Variants in TPRA1 observed in about 807,000 individuals in gnomAD.
TPRA1 encodes transmembrane protein adipocyte associated 1.
A neutral mutation model predicts 40.1 loss-of-function variants in TPRA1; 28 were observed. That is an observed-to-expected ratio of 0.70 (90% CI 0.52 to 0.96). The LOEUF (loss-of-function observed/expected upper bound fraction) is 0.96, where lower values mean the gene tolerates loss of function less well. Among genes scored for constraint, TPRA1 ranks in the 40% least tolerant of loss-of-function variants. TPRA1 has a pLI of 0.00. For synonymous variants in TPRA1, 219 were observed against 209.7 expected, an observed-to-expected ratio of 1.04 and a Z score of -0.38; for missense variants, 441 against 482.6, an observed-to-expected ratio of 0.91 and a Z score of 0.81.
Position 127,576,513 on chromosome 3 carries a change from G to A in TPRA1, c.498+104C>T. On this transcript the variant is annotated intron_variant, in intron 6 of 10. Transcript: ENST00000355552. The surrounding 1 kb of genome is among the most constrained non-coding windows in gnomAD (Gnocchi z 4.6). ...TGATTTCTCAGGTGCAAAGTTTTGA[G>A]AACTCTGAAGGTGATAAAGACTGGA... The A allele has an allele frequency of 1.8e-6, 2 of 1,125,848 alleles. No homozygotes were observed. Among genetic ancestry groups the A allele is most frequent in the Non-Finnish European group, 2.5e-6 (2 of 806,016 alleles). 69.7% of individuals were successfully genotyped at this position (1,125,848 alleles called of 1,614,324 possible).
chr3:127,574,924 G>T, intron 10 of TPRA1: 1 of 541,524 alleles, frequency 1.8e-6, no homozygotes, highest in Non-Finnish European at 3.3e-6. Context: ...GTGCGTGTTT[G>T]TGTGTGCATG....
upstream of TPRA1, chr3:127,598,216 C>T (rs1576408886): frequency 3.4e-6 from 2 of 589,224 alleles, no homozygotes; most frequent in South Asian, 2.0e-5. Context: ...GCTCCCACCA[C>T]AGCGCAGGCG....
Position 127,576,052 on chromosome 3 carries a change from T to C in TPRA1, c.499-2A>G. The stretch of plus-strand genomic sequence containing the variant: ...AGGGTACAGGATCTCCAGGGTCCCC[T>C]GCAGGGGCAAGCAGGAAGGGAGGAA... On this transcript the variant is annotated splice_acceptor_variant, in intron 6 of 10. Transcript: ENST00000355552. LOFTEE classifies it high-confidence loss of function. The surrounding 1 kb of genome is among the most constrained non-coding windows in gnomAD (Gnocchi z 4.6). The C allele has an allele frequency of 6.2e-7, 1 of 1,611,544 alleles. No individual in the cohort carries two copies. Among genetic ancestry groups the C allele is most frequent in the South Asian group, 1.1e-5 (1 of 90,990 alleles).
intron 1 of TPRA1, among the ~76,000 whole-genome samples, chr3:127,585,246 C>A (rs2073964541): frequency 6.6e-6 from 1 of 152,146 alleles, no homozygotes; most frequent in Non-Finnish European, 1.5e-5. Context: ...AAAGAACATT[C>A]CAGGGAGAAT....
chr3:127,594,881 T>G (rs946937872), upstream of TPRA1: 1 of 152,438 alleles, frequency 6.6e-6, no homozygotes, highest in African/African-American at 2.4e-5. Flanking sequence ...GGGAGGAGAC[T>G]TGTCCTCGGC....
intron 10 of TPRA1, 175 bp downstream of exon 10, chr3:127,575,008 ATC>A (rs2073537376): frequency 1.3e-5 from 9 of 677,194 alleles, no homozygotes; most frequent in Non-Finnish European, 2.3e-5. Context: ...GTGTGCGTAT[ATC>A]TGTGTGCATG....
chr3:127,572,394 T>C lies in TPRA1; in HGVS notation c.*1127A>G, dbSNP rs144024164. On this transcript the variant is annotated 3_prime_UTR_variant, in exon 11 of 11. Transcript: ENST00000355552. ...TTACATAACTGGCAGCAACTCCCTT[T>C]CACTCTGGCTGCCAAAAAGCTCAAA... Among the ~76,000 whole-genome samples, 102 of 152,352 alleles carry C rather than the reference T, an allele frequency of 6.7e-4. 1 individual carries two copies. The highest frequency in any genetic ancestry group is 2.3e-3 in the African/African-American group (97 of 41,582).
intron 1 of TPRA1, among the ~76,000 whole-genome samples, chr3:127,585,208 C>T (rs2073963398): frequency 6.6e-6 from 1 of 152,170 alleles, no homozygotes; most frequent in Non-Finnish European, 1.5e-5. Context: ...AATAAATAAG[C>T]AGGAGCCAGC....
At chr3:127,581,006 C>T (rs774078123) in intron 1 of TPRA1, among the ~76,000 whole-genome samples, 2 of 152,170 alleles carry the variant, frequency 1.3e-5, no homozygotes, top group Non-Finnish European at 1.5e-5. Flanking sequence ...GCCTGGAAGA[C>T]AGGAGAGCTG....
At chr3:127,577,809 G>C (rs1349464476) in intron 3 of TPRA1, among the ~76,000 whole-genome samples, 2 of 152,210 alleles carry the variant, frequency 1.3e-5, no homozygotes, top group African/African-American at 2.4e-5. Flanking sequence ...CGCAGCACTG[G>C]CCAGTGGTGT....
In TPRA1 at chr3:127,596,229, G is replaced by A. The variant is rs191544153; in HGVS notation, c.-390-539C>T. ...TGAGTAGTTGGGATTACAGGCATGC[G>A]CCACTACGCCTGGCTAATTTTGGAT... is the stretch of plus-strand genomic sequence containing the variant. On this transcript the variant is annotated intron_variant, in intron 1 of 3. Transcript: ENST00000462228. Among the ~76,000 whole-genome samples, 24 of 152,244 alleles carry A rather than the reference G, an allele frequency of 1.6e-4. 1 individual carries two copies. The highest frequency in any genetic ancestry group is 1.4e-3 in the Admixed American group (22 of 15,302).
upstream of TPRA1, among the ~76,000 whole-genome samples, chr3:127,592,372 T>TTG (rs2074190368): frequency 7.8e-6 from 1 of 128,396 alleles, no homozygotes; most frequent in Non-Finnish European, 1.7e-5. Context: ...ATGCTGTTTT[T>TTG]TTTTTTTTTT....
At position 127,575,229 on chromosome 3, in the gene TPRA1, G is replaced by A. The variant is rs764019276; in HGVS notation, c.810C>T (p.Phe270=). ...VDATTFLYFS[F]FAPLIYVAFL... is the part of the protein sequence containing the mutation. The stretch of plus-strand genomic sequence containing the variant: ...AAGCCACGTAGATGAGCGGAGCGAA[G>A]AAGCTGAAGTACAGGAAGGTTGTGG... Residue 270 remains phenylalanine (F), a synonymous_variant, in exon 10 of 11, where the codon TTC becomes TTT. Transcript: ENST00000355552. 1 of 1,614,040 alleles carries A rather than the reference G, an allele frequency of 6.2e-7. No individual in the cohort carries two copies. The highest frequency in any genetic ancestry group is 1.1e-5 in the South Asian group (1 of 91,092).
At chr3:127,595,720 A>G (rs1039437591), upstream of TPRA1, 1 of 152,240 alleles carries the variant, frequency 6.6e-6, no homozygotes, top group Non-Finnish European at 1.5e-5. Flanking sequence ...GTAAAGGAAT[A>G]TCACTTCCAA....
intron 1 of TPRA1, among the ~76,000 whole-genome samples, chr3:127,583,599 T>C (rs2073901440): frequency 6.6e-6 from 1 of 151,694 alleles, no homozygotes; most frequent in Admixed American, 6.6e-5. Context: ...TGACACATAG[T>C]AGATCCTAAG....
At chr3:127,591,259 G>T (rs995691766), upstream of TPRA1, among the ~76,000 whole-genome samples, 1 of 152,150 alleles carries the variant, frequency 6.6e-6, no homozygotes, top group African/African-American at 2.4e-5. Flanking sequence ...GCCTCCCAGC[G>T]CCCTGCTCCA....
At chr3:127,580,196 T>C in intron 1 of TPRA1, 33 bp from the exon 2 acceptor site, 1 of 1,594,532 alleles carries the variant, frequency 6.3e-7, no homozygotes, top group Non-Finnish European at 8.5e-7. Context: ...GTGAGCTGTG[T>C]GGCCTGGGCC....
At chr3:127,586,852 G>C (rs747939646) in intron 1 of TPRA1, among the ~76,000 whole-genome samples, 19 of 152,308 alleles carry the variant, frequency 1.2e-4, no homozygotes, top group Admixed American at 4.6e-4. Flanking sequence ...GGAGGAACAG[G>C]GGCAGGGAGT....
chr3:127,590,256 C>T (rs1446465370), intron 1 of TPRA1, among the ~76,000 whole-genome samples, 154 bp downstream of exon 1: 1 of 152,188 alleles, frequency 6.6e-6, no homozygotes, highest in East Asian at 1.9e-4. Context: ...GGCCTTCCCT[C>T]CCAAACGCCG....
Sources: gnomAD v4.1 joint callset for allele counts (sites outside exome capture counted in the v4.1 genomes callset) on GRCh38, gnomAD v4.1.1 for gene constraint, Gnocchi (gnomAD v3.1) non-coding constraint, MANE v1.5 for transcripts, NCBI Gene and HGNC (gene_info 2026-07-23, HGNC 2026-07-21) for gene names.